The following EIF3L variants were observed in gnomAD, a reference collection of about 807,000 sequenced individuals.
The protein encoded by EIF3L is eukaryotic translation initiation factor 3 subunit L, also known as eIEF associated protein HSPC021.
EIF3L carries 32 observed loss-of-function variants against 74.6 expected under a neutral mutation model. The observed-to-expected ratio is 0.43, with a 90% confidence interval of 0.32 to 0.58. EIF3L has a LOEUF of 0.58. Ranked by LOEUF, EIF3L falls within the 20% of genes least tolerant of loss-of-function variation. EIF3L has a pLI of 0.06. For synonymous variants in EIF3L, 256 were observed against 254.4 expected, an observed-to-expected ratio of 1.01 and a Z score of -0.06; for missense variants, 474 against 707.8, an observed-to-expected ratio of 0.67 and a Z score of 3.75.
intron 8 of EIF3L, among the ~76,000 whole-genome samples, chr22:37,873,092 A>T (rs951666063): frequency 1.4e-5 from 2 of 143,940 alleles, no homozygotes; most frequent in Non-Finnish European, 3.1e-5. Flanking sequence ...AAGTTCAAGC[A>T]ATTCTCCTGC....
chr22:37,866,364 A>G (rs1443680184), intron 7 of EIF3L, among the ~76,000 whole-genome samples: 1 of 152,234 alleles, frequency 6.6e-6, no homozygotes. Flanking sequence ...GCAGTGAATC[A>G]GTGAATATCC....
chr22:37,851,401 C>T lies in EIF3L; in HGVS notation c.204C>T (p.Asp68=). Residue 68 remains aspartate, a synonymous_variant, in exon 3 of 13, where the codon GAC becomes GAT. Coordinates refer to ENST00000652021, the MANE Select transcript of EIF3L (RefSeq NM_016091.4). ...YFHKTVSDLI[D]QKVYELQASR... ...ACAAAACTGTCTCAGATTTGATTGA[C>T]CAGAAAGTGTATGAGCTACAGGCCA... is the stretch of plus-strand genomic sequence containing the variant. The T allele has an allele frequency of 6.2e-7, 1 of 1,614,034 alleles. No homozygotes were observed. The highest frequency in any genetic ancestry group is 8.5e-7 in the Non-Finnish European group (1 of 1,179,982).
intron 8 of EIF3L, 60 bp from the exon 9 acceptor site, chr22:37,874,310 G>A (rs1926630009): frequency 6.4e-7 from 1 of 1,562,984 alleles, no homozygotes; most frequent in Non-Finnish European, 8.7e-7. Flanking sequence ...ACATTCAGAG[G>A]TCAGGTGTGC....
chr22:37,888,788 G>T lies in EIF3L; in HGVS notation c.*324G>T. The T allele has an allele frequency of 3.3e-6, 1 of 305,242 alleles. No homozygotes were observed. The highest frequency in any genetic ancestry group is 4.2e-5 in the South Asian group (1 of 23,586). 18.9% of individuals were successfully genotyped at this position (305,242 alleles called of 1,614,324 possible). On this transcript the variant is annotated 3_prime_UTR_variant, in exon 13 of 13. Coordinates refer to ENST00000652021, the MANE Select transcript of EIF3L (RefSeq NM_016091.4). ...GATGGAGTCTCACTCTGTCTCCCAG[G>T]CTGGAGTGCAGTAGCGTGATCTCAG...
At chr22:37,854,063 G>T (rs915823350) in intron 3 of EIF3L, among the ~76,000 whole-genome samples, 7 of 152,216 alleles carry the variant, frequency 4.6e-5, no homozygotes, top group Non-Finnish European at 8.8e-5. Flanking sequence ...CAAGCATCTT[G>T]TAAGTCTTTC....
chr22:37,870,353 T>C lies in EIF3L; in HGVS notation c.751+6T>C. The C allele has an allele frequency of 6.3e-7, 1 of 1,592,992 alleles. No homozygotes were observed. Among genetic ancestry groups the C allele is most frequent in the Non-Finnish European group, 8.6e-7 (1 of 1,168,008 alleles). On this transcript the variant is annotated splice_donor_region_variant and intron_variant, in intron 8 of 12. Transcript: ENST00000652021. Reference sequence around the variant, plus strand: ...GGAGGTATACACAAGCGGAGGTGAGTGCAGCAGGCCGACAGCCGTGGCCTG... The same window carrying C: ...GGAGGTATACACAAGCGGAGGTGAGCGCAGCAGGCCGACAGCCGTGGCCTG...
At chr22:37,884,371 G>A (rs1313593127) in intron 11 of EIF3L, 1 of 152,024 alleles carries the variant, frequency 6.6e-6, no homozygotes, top group Admixed American at 6.6e-5. Context: ...TATGAATAGT[G>A]CTGCTGTGAA....
Position 37,851,371 on chromosome 22 carries a change from T to C in EIF3L, c.174T>C (p.Tyr58=). The change falls in exon 3 of 13, where the codon TAT becomes TAC. Residue 58 remains tyrosine, a synonymous_variant. Transcript: ENST00000652021. ...AGGTGATCAAAAACTTCATCCAGTA[T>C]TTCCACAAAACTGTCTCAGATTTGA... ...IPEVIKNFIQ[Y]FHKTVSDLID... The C allele has an allele frequency of 6.2e-7, 1 of 1,614,126 alleles. No individual in the cohort carries two copies. The highest frequency in any genetic ancestry group is 8.5e-7 in the Non-Finnish European group (1 of 1,180,014).
chr22:37,868,110 ATTTTTTTTT>A (rs545183532), intron 7 of EIF3L, among the ~76,000 whole-genome samples: 1 of 92,686 alleles, frequency 1.1e-5, no homozygotes, highest in Non-Finnish European at 2.0e-5. Context: ...TCTTTGTAGG[ATTTTTTTTT>A]TTTTTTTTTT....
intron 4 of EIF3L, 130 bp from the exon 5 acceptor site, chr22:37,858,549 G>A (rs1026929612): frequency 2.5e-5 from 19 of 775,330 alleles, no homozygotes; most frequent in Admixed American, 7.3e-5. Context: ...TATTCTTGGG[G>A]CATATGCATA....
At chr22:37,856,179 C>G (rs1176193293) in intron 4 of EIF3L, among the ~76,000 whole-genome samples, 3 of 152,056 alleles carry the variant, frequency 2.0e-5, no homozygotes, top group East Asian at 3.9e-4. Context: ...TAGGTTCAAG[C>G]AATTCTCCTA....
At chr22:37,862,321 G>A (rs1295915493) in intron 5 of EIF3L, among the ~76,000 whole-genome samples, 1 of 152,166 alleles carries the variant, frequency 6.6e-6, no homozygotes, top group Non-Finnish European at 1.5e-5. Context: ...GTGGTTCTCA[G>A]ATGCAAGCAA....
chr22:37,879,238 T>G (rs1926918383), intron 11 of EIF3L: 1 of 152,546 alleles, frequency 6.6e-6, no homozygotes, highest in African/African-American at 2.4e-5. Context: ...CGGTGGCTCA[T>G]GCCTGTAATC....
chr22:37,851,358 A>G lies in EIF3L; in HGVS notation c.161A>G (p.Asn54Ser). Residue 54 changes from asparagine (N) to serine (S), a missense_variant, in exon 3 of 13, where the codon AAC (asparagine) becomes AGC (serine). This residue lies in a region of EIF3L where 141 missense variants were observed against 197.7 expected (regional missense o/e 0.71). Transcript: ENST00000652021. ...CAGGTGATCCCTGAGGTGATCAAAAACTTCATCCAGTATTTCCACAAAACT... is the reference window on the plus strand; with the variant it reads ...CAGGTGATCCCTGAGGTGATCAAAAGCTTCATCCAGTATTTCCACAAAACT... ...TYQVIPEVIKNFIQYFHKTVS... is the reference protein window; with the variant it reads ...TYQVIPEVIKSFIQYFHKTVS... 6.2e-7 allele frequency: 1 copy of G among 1,614,142 alleles called. No individual in the cohort carries two copies. Among genetic ancestry groups the G allele is most frequent in the Non-Finnish European group, 8.5e-7 (1 of 1,179,994 alleles).
At chr22:37,888,391 C>T (rs1347424394) in intron 12 of EIF3L, 35 bp from the exon 13 acceptor site, 1 of 1,612,378 alleles carries the variant, frequency 6.2e-7, no homozygotes, top group African/African-American at 1.3e-5. Flanking sequence ...TTGGGGAAAT[C>T]CCCGTATGTA....
chr22:37,886,432 G>A, intron 11 of EIF3L: 1 of 168,370 alleles, frequency 5.9e-6, no homozygotes, highest in Non-Finnish European at 1.3e-5. Flanking sequence ...AGCCAGGCAA[G>A]ATGGCGGGAG....
intron 11 of EIF3L, 56 bp downstream of exon 11, chr22:37,878,227 C>A: frequency 6.6e-7 from 1 of 1,524,260 alleles, no homozygotes; most frequent in Non-Finnish European, 8.8e-7. Context: ...ATCTTTCATT[C>A]ACTATTGTGG....
At chr22:37,857,764 C>T (rs1157438818) in intron 4 of EIF3L, among the ~76,000 whole-genome samples, 6 of 152,084 alleles carry the variant, frequency 3.9e-5, no homozygotes, top group Admixed American at 1.3e-4. Context: ...GAACTCCTGA[C>T]CTCAAATGAT....
intron 12 of EIF3L, 87 bp from the exon 13 acceptor site, chr22:37,888,339 T>A: frequency 7.0e-7 from 1 of 1,437,546 alleles, no homozygotes; most frequent in Non-Finnish European, 9.7e-7. Context: ...GAGGGGCAGC[T>A]GGGAATCTGA....
Sources: gnomAD v4.1 joint callset for allele counts (sites outside exome capture counted in the v4.1 genomes callset) on GRCh38, gnomAD v4.1.1 for gene constraint, gnomAD v4.1.1 regional missense constraint, MANE v1.5 for transcripts, NCBI Gene and HGNC (gene_info 2026-07-23, HGNC 2026-07-21) for gene names.